YLPM1: variants seen among roughly 807,000 people sequenced by gnomAD.
YLPM1 encodes the protein YLP motif-containing protein 1.
Under a neutral mutation model 230.0 loss-of-function variants are expected in YLPM1, and 99 were observed. The observed-to-expected ratio is 0.43, with a 90% CI of 0.37 to 0.51. The LOEUF is 0.51. Among genes scored for constraint, YLPM1 ranks in the 20% least tolerant of loss-of-function variants. YLPM1 has a pLI of 0.00. For missense variants in YLPM1, 2,592 were observed against 2,707.7 expected (o/e 0.96, Z 0.95); for synonymous variants, 984 against 942.5 (o/e 1.04, Z -0.81).
At chr14:74,833,192 C>T (rs1317333100) in intron 19 of YLPM1, among the ~76,000 whole-genome samples, 4 of 152,056 alleles carry the variant, frequency 2.6e-5, no homozygotes, top group South Asian at 2.1e-4. Flanking sequence ...AATGATCTTT[C>T]GCTAAAATGT....
rs758726757 is a variant in YLPM1, at chr14:74,772,677, G to C, written c.874-5770G>C. Among the ~76,000 whole-genome samples the C allele has an allele frequency of 8.3e-4, 127 of 152,108 alleles. 3 individuals carry two copies. The Middle Eastern group carries it at 0.031, about 37-fold the overall frequency. On this transcript the variant is annotated intron_variant, in intron 1 of 20. Transcript: ENST00000325680. Reference sequence around the variant, plus strand: ...CAGCCAATAGTTCTACATTCTTTATGTTTGAAATCCCTTCATTCAATCTCG... The same window carrying C: ...CAGCCAATAGTTCTACATTCTTTATCTTTGAAATCCCTTCATTCAATCTCG...
chr14:74,815,775 A>G (rs1207056127), intron 11 of YLPM1, among the ~76,000 whole-genome samples: 2 of 152,020 alleles, frequency 1.3e-5, no homozygotes, highest in Admixed American at 6.6e-5. Context: ...CTTTCCTACT[A>G]TAGGCATTTA....
intron 2 of YLPM1, 148 bp from the exon 3 acceptor site, chr14:74,780,257 T>C (rs932203463): frequency 8.5e-6 from 8 of 936,474 alleles, no homozygotes; most frequent in Admixed American, 6.0e-5. Flanking sequence ...AGAATAGCTG[T>C]TCTCAATCCA....
At chr14:74,829,192 G>C in intron 18 of YLPM1, 21 bp from the exon 19 acceptor site, 1 of 1,611,958 alleles carries the variant, frequency 6.2e-7, no homozygotes. Flanking sequence ...TTAATGCTAC[G>C]GCTCTGTGTT....
chr14:74,800,153 TA>T (rs2091311232), intron 5 of YLPM1, among the ~76,000 whole-genome samples: 1 of 152,256 alleles, frequency 6.6e-6, no homozygotes, highest in African/African-American at 2.4e-5. Context: ...ATGGTTTGCT[TA>T]GGAGCATCCT....
At chr14:74,799,962 T>A (rs1359872404) in intron 5 of YLPM1, among the ~76,000 whole-genome samples, 3 of 152,232 alleles carry the variant, frequency 2.0e-5, no homozygotes, top group Non-Finnish European at 4.4e-5. Context: ...GCCATGCCTG[T>A]GCATGTTTCA....
rs779492081 is a variant in YLPM1, at chr14:74,798,739, C to A, written c.3442C>A (p.Arg1148=). Residue 1148 remains arginine, a synonymous_variant, in exon 5 of 21, where the codon CGA becomes AGA. Transcript: ENST00000325680. The stretch of plus-strand genomic sequence containing the variant: ...TGGGAGCAGGGAGAGAGGACCACCT[C>A]GAGGGCCTGGCAGTCGAGAAAGGGG... The part of the protein sequence containing the change: ...RAGSRERGPP[R]GPGSRERGLG... The A allele has an allele frequency of 6.4e-5, 103 of 1,612,576 alleles. No homozygotes were observed. Among genetic ancestry groups the A allele is most frequent in the Non-Finnish European group, 8.6e-5 (101 of 1,179,198 alleles).
At chr14:74,780,250 A>G (rs2091079806) in intron 2 of YLPM1, among the ~76,000 whole-genome samples, 155 bp from the exon 3 acceptor site, 1 of 152,212 alleles carries the variant, frequency 6.6e-6, no homozygotes, top group Non-Finnish European at 1.5e-5. Context: ...TAAAGATAGA[A>G]TAGCTGTTCT....
chr14:74,809,591 CT>C lies in YLPM1; in HGVS notation c.4736del (p.Phe1579SerfsTer13). The C allele has an allele frequency of 6.2e-7, 1 of 1,613,364 alleles. No individual in the cohort carries two copies. The highest frequency in any genetic ancestry group is 8.5e-7 in the Non-Finnish European group (1 of 1,179,602). ...GAACAGGAACGATGGGATGAAGATT[CT>C]TTCTATGGGCTCTGGGATACAAATG... The part of the protein sequence containing the change: ...AVEQERWDED[S>X]FYGLWDTNDE... On this transcript the variant is annotated frameshift_variant, in exon 7 of 21. Coordinates refer to ENST00000325680, the MANE Select transcript of YLPM1 (RefSeq NM_019589.3). LOFTEE classifies it high-confidence loss of function.
rs749414643 is a variant in YLPM1, at chr14:74,817,115, C to T, written c.5862+8C>T. 3 of 1,599,842 alleles carry T rather than the reference C, an allele frequency of 1.9e-6. No homozygotes were observed. In the South Asian group the frequency reaches 3.4e-5, roughly 18 times the overall value. On this transcript the variant is annotated splice_region_variant and intron_variant, in intron 14 of 20. Coordinates refer to ENST00000325680, the MANE Select transcript of YLPM1 (RefSeq NM_019589.3). ...AAAACCAAGGGATTTGAGGTAGAAG[C>T]TTAAAGAACTTTAAAGTACTTTGTG...
chr14:74,791,487 A>G (rs958180904), intron 4 of YLPM1, among the ~76,000 whole-genome samples: 2 of 152,018 alleles, frequency 1.3e-5, no homozygotes, highest in Non-Finnish European at 2.9e-5. Flanking sequence ...AATGCCTCCT[A>G]CTTCCTTTGT....
intron 4 of YLPM1, among the ~76,000 whole-genome samples, chr14:74,788,872 GTAT>G (rs1332487598): frequency 2.0e-5 from 3 of 152,038 alleles, no homozygotes; most frequent in Non-Finnish European, 2.9e-5. Context: ...AAGGCTACAA[GTAT>G]TATTATTTAC....
At chr14:74,777,950 G>A (rs1175158820) in intron 1 of YLPM1, among the ~76,000 whole-genome samples, 3 of 151,904 alleles carry the variant, frequency 2.0e-5, no homozygotes, top group Non-Finnish European at 4.4e-5. Context: ...ACTCCATCCT[G>A]GGTGAGAGAG....
intron 18 of YLPM1, among the ~76,000 whole-genome samples, chr14:74,825,208 C>T (rs1266551762): frequency 6.6e-6 from 1 of 152,096 alleles, no homozygotes; most frequent in Non-Finnish European, 1.5e-5. Context: ...TGAGCTGCTT[C>T]ATTGCTTGGG....
intron 16 of YLPM1, among the ~76,000 whole-genome samples, chr14:74,820,349 A>G (rs1202715391): frequency 6.6e-6 from 1 of 152,146 alleles, no homozygotes. Flanking sequence ...CCTGGGTTCA[A>G]ATGATCCTCT....
Position 74,799,709 on chromosome 14 carries a change from CCTT to C in YLPM1, c.4400+14_4400+16del. ...CTGAAAATGCTTCGGTAAGTTGACT[CCTT>C]CAGATCCTTTCTTTTAATAAAAACC... On this transcript the variant is annotated intron_variant, in intron 5 of 20. Transcript: ENST00000325680. 6.3e-7 allele frequency: 1 copy of C among 1,579,824 alleles called. No individual in the cohort carries two copies. Among genetic ancestry groups the C allele is most frequent in the Non-Finnish European group, 8.6e-7 (1 of 1,162,218 alleles).
Position 74,764,187 on chromosome 14 carries a change from C to T in YLPM1, c.698C>T (p.Ser233Phe), listed in dbSNP as rs376901037. Residue 233 changes from serine to phenylalanine, a missense_variant, in exon 1 of 21, where the codon TCC becomes TTC. Transcript: ENST00000325680. Reference sequence around the variant, plus strand: ...TTGCCCTCTTCTCAGGCATCTCCTTCCCGCCCCTCCCAGGGCCATTCTAAA... The same window carrying T: ...TTGCCCTCTTCTCAGGCATCTCCTTTCCGCCCCTCCCAGGGCCATTCTAAA... ...SYLPSSQASPSRPSQGHSKSQ... is the reference protein window; with the variant it reads ...SYLPSSQASPFRPSQGHSKSQ... 162 of 1,613,566 alleles carry T rather than the reference C, an allele frequency of 1.0e-4. No individual in the cohort carries two copies. The highest frequency in any genetic ancestry group is 1.3e-4 in the Non-Finnish European group (153 of 1,179,860).
intron 17 of YLPM1, chr14:74,821,929 G>A (rs2091524292): frequency 6.6e-6 from 1 of 152,064 alleles, no homozygotes; most frequent in Non-Finnish European, 1.5e-5. Flanking sequence ...ATATTCTTTT[G>A]AAAATGTACA....
At chr14:74,789,319 C>T (rs944654332) in intron 4 of YLPM1, among the ~76,000 whole-genome samples, 2 of 152,116 alleles carry the variant, frequency 1.3e-5, no homozygotes, top group East Asian at 1.9e-4. Flanking sequence ...TGGGTTCAAG[C>T]GATTCTCCTG....
Sources: allele counts gnomAD v4.1 joint callset (sites outside exome capture counted in the v4.1 genomes callset), GRCh38; gene constraint gnomAD v4.1.1; transcripts MANE v1.5; gene names NCBI Gene and HGNC (gene_info 2026-07-23, HGNC 2026-07-21).